ASIC2: variants seen among roughly 807,000 people sequenced by gnomAD.
ASIC2 encodes acid sensing ion channel subunit 2.
A neutral mutation model predicts 57.3 loss-of-function variants in ASIC2; 25 were observed. The observed-to-expected ratio is 0.44, with a 90% confidence interval of 0.32 to 0.61. The LOEUF (loss-of-function observed/expected upper bound fraction) is 0.61. ASIC2 is among the 20% of genes least tolerant of loss of function. The pLI, the probability that ASIC2 is intolerant of heterozygous loss-of-function variation, is 0.06. For synonymous variants in ASIC2, 319 were observed against 307.5 expected, an observed-to-expected ratio of 1.04 and a Z score of -0.39; for missense variants, 641 against 738.1, an observed-to-expected ratio of 0.87 and a Z score of 1.52.
chr17:33,406,185 G>A (rs1299339336), intron 1 of ASIC2, among the ~76,000 whole-genome samples: 1 of 152,148 alleles, frequency 6.6e-6, no homozygotes, highest in Non-Finnish European at 1.5e-5. Context: ...AAATCTGTGA[G>A]TATAATTGAT....
At chr17:33,795,573 A>T (rs1016375814) in intron 1 of ASIC2, among the ~76,000 whole-genome samples, 1 of 152,094 alleles carries the variant, frequency 6.6e-6, no homozygotes, top group Non-Finnish European at 1.5e-5. Context: ...CCCTACTCCC[A>T]TCCCTTCTGT....
At chr17:33,586,298 TA>T (rs895013111) in intron 1 of ASIC2, among the ~76,000 whole-genome samples, 22 of 152,304 alleles carry the variant, frequency 1.4e-4, no homozygotes, top group African/African-American at 5.1e-4. Flanking sequence ...GTTTACCATC[TA>T]GGGGGGCAGG....
chr17:33,832,756 C>T (rs567549016), intron 1 of ASIC2, among the ~76,000 whole-genome samples: 26 of 152,206 alleles, frequency 1.7e-4, no homozygotes, highest in Non-Finnish European at 3.5e-4. Context: ...AATATATTTA[C>T]TCCAGATCAA....
intron 1 of ASIC2, among the ~76,000 whole-genome samples, chr17:34,111,981 T>C (rs956855102): frequency 1.1e-4 from 16 of 152,174 alleles, no homozygotes; most frequent in African/African-American, 3.9e-4. Flanking sequence ...ATAACTATAT[T>C]AAAATGCATA....
chr17:33,409,972 A>G (rs907472000), intron 1 of ASIC2, among the ~76,000 whole-genome samples: 3 of 152,180 alleles, frequency 2.0e-5, no homozygotes, highest in Non-Finnish European at 4.4e-5. Context: ...AGGGCAGCTC[A>G]TTCTGGACCC....
chr17:33,072,321 G>A (rs1311518669), intron 3 of ASIC2, among the ~76,000 whole-genome samples: 5 of 152,074 alleles, frequency 3.3e-5, no homozygotes, highest in Non-Finnish European at 1.5e-5. Context: ...TTTGTTTTTG[G>A]TGTTACTGTT....
At chr17:33,151,267 T>G (rs1043945675) in intron 1 of ASIC2, among the ~76,000 whole-genome samples, 1 of 145,796 alleles carries the variant, frequency 6.9e-6, no homozygotes, top group East Asian at 2.1e-4. Flanking sequence ...TCAGCTACTC[T>G]GGAGGCTGAG....
chr17:33,067,964 G>T (rs1181585458), intron 3 of ASIC2, among the ~76,000 whole-genome samples: 2 of 152,184 alleles, frequency 1.3e-5, no homozygotes. Context: ...AAATGTATTT[G>T]CTGCATGGGG....
In ASIC2 at chr17:33,570,433, G is replaced by A. The variant is rs147585902; in HGVS notation, c.556-458366C>T. Among the ~76,000 whole-genome samples, 48 of 152,324 alleles carry A rather than the reference G, an allele frequency of 3.2e-4. No homozygotes were observed. The Middle Eastern group carries it at 0.01, about 32-fold the overall frequency. ...TATTCTCAGACCGCTGTACTTAAAG[G>A]AAGGGTGCATGTTAGGCTCACCTAG... On this transcript the variant is annotated intron_variant, in intron 1 of 9. Coordinates refer to the ASIC2 transcript ENST00000359872.
At chr17:34,010,636 G>C (rs1475999879) in intron 1 of ASIC2, among the ~76,000 whole-genome samples, 1 of 151,794 alleles carries the variant, frequency 6.6e-6, no homozygotes, top group African/African-American at 2.4e-5. Context: ...AAAACACACA[G>C]AGAGGCACAC....
intron 1 of ASIC2, chr17:34,038,400 C>A: frequency 1.2e-6 from 2 of 1,611,992 alleles, no homozygotes; most frequent in Non-Finnish European, 1.7e-6. Flanking sequence ...ATCCGGTATT[C>A]CCTACATGCA....
At chr17:33,082,528 G>T (rs1012636248) in intron 3 of ASIC2, among the ~76,000 whole-genome samples, 1 of 151,892 alleles carries the variant, frequency 6.6e-6, no homozygotes. Flanking sequence ...GTGAAACCAC[G>T]TCTCTACTAA....
intron 1 of ASIC2, among the ~76,000 whole-genome samples, chr17:33,870,210 T>A (rs12051688): frequency 7.2e-6 from 1 of 138,196 alleles, no homozygotes; most frequent in Middle Eastern, 3.8e-3. Context: ...TTGTGGGCTG[T>A]GATGAGAAAT....
At chr17:33,112,555 C>A (rs35471890) in intron 1 of ASIC2, among the ~76,000 whole-genome samples, 25,383 of 152,130 alleles carry the variant, frequency 0.17, 2,320 homozygotes, top group Non-Finnish European at 0.21. Flanking sequence ...TTGGACAATT[C>A]TCTTGCACTT....
intron 1 of ASIC2, chr17:33,581,563 G>A (rs1047917781): frequency 6.6e-6 from 1 of 152,302 alleles, no homozygotes. Flanking sequence ...GGGAAAGCAG[G>A]AATGTATTAA....
chr17:33,106,720 C>T (rs926889284), intron 2 of ASIC2, among the ~76,000 whole-genome samples: 1 of 152,178 alleles, frequency 6.6e-6, no homozygotes, highest in African/African-American at 2.4e-5. Flanking sequence ...GGGCACCTGA[C>T]TGGAGCTGAG....
chr17:33,651,363 A>G (rs1906914408), intron 1 of ASIC2, among the ~76,000 whole-genome samples: 1 of 152,254 alleles, frequency 6.6e-6, no homozygotes, highest in Admixed American at 6.5e-5. Context: ...TTCAAAATAA[A>G]AAAAGTCTTT....
chr17:33,245,544 A>C (rs182655915), intron 1 of ASIC2, among the ~76,000 whole-genome samples: 1 of 152,280 alleles, frequency 6.6e-6, no homozygotes, highest in East Asian at 1.9e-4. Flanking sequence ...AATAAACTAA[A>C]ATGTGGGTTG....
intron 1 of ASIC2, among the ~76,000 whole-genome samples, chr17:34,065,881 A>C (rs1262918388): frequency 1.3e-5 from 2 of 152,026 alleles, no homozygotes; most frequent in Non-Finnish European, 2.9e-5. Flanking sequence ...TAATGCTTAC[A>C]GAGTGTTCAT....
Sources: allele counts gnomAD v4.1 joint callset (sites outside exome capture counted in the v4.1 genomes callset), GRCh38; gene constraint gnomAD v4.1.1; transcripts MANE v1.5; gene names NCBI Gene and HGNC (gene_info 2026-07-23, HGNC 2026-07-21).